PDE1A: variants seen among roughly 807,000 people sequenced by gnomAD.
PDE1A encodes the protein dual specificity calcium/calmodulin-dependent 3',5'-cyclic nucleotide phosphodiesterase 1A.
PDE1A carries 35 observed loss-of-function variants against 61.7 expected under a neutral mutation model. The observed-to-expected ratio is 0.57, with a 90% CI of 0.43 to 0.75. PDE1A has a LOEUF of 0.75. Ranked by LOEUF, PDE1A falls within the 30% of genes least tolerant of loss-of-function variation. The probability of loss-of-function intolerance (pLI) is 0.00; values close to 1 mark genes in which losing one functional copy is unlikely to be tolerated. For synonymous variants in PDE1A, 232 were observed against 213.2 expected (o/e 1.09, Z -0.77); for missense variants, 597 against 630.6 (o/e 0.95, Z 0.57).
At chr2:182,309,546 C>G (rs1695825789) in intron 1 of PDE1A, among the ~76,000 whole-genome samples, 1 of 151,996 alleles carries the variant, frequency 6.6e-6, no homozygotes, top group African/African-American at 2.4e-5. Flanking sequence ...CAGTTACCTT[C>G]TAAGAGTATA....
At chr2:182,561,034 T>A in the PDE1A span, among the ~76,000 whole-genome samples, 1 of 146,900 alleles carries the variant, frequency 6.8e-6, no homozygotes, top group South Asian at 2.4e-4. Context: ...GTAGTTTCTT[T>A]TGCTGTGCAG....
intron 1 of PDE1A, among the ~76,000 whole-genome samples, chr2:182,403,598 C>CAAAAAAAAAAAAAAAAAA (rs548993514): frequency 1.3e-4 from 10 of 77,572 alleles, no homozygotes; most frequent in African/African-American, 6.2e-4. Flanking sequence ...GACTCCGTCT[C>CAAAAAAAAAAAAAAAAAA]AAAAAAAAAA....
the PDE1A span, among the ~76,000 whole-genome samples, chr2:182,673,498 TAAAC>T: frequency 6.6e-6 from 1 of 152,082 alleles, no homozygotes; most frequent in African/African-American, 2.4e-5. Flanking sequence ...TAAGAAAAGT[TAAAC>T]AATAAAAAAT....
chr2:182,256,406 G>T (rs572348141), intron 2 of PDE1A, among the ~76,000 whole-genome samples: 2 of 151,718 alleles, frequency 1.3e-5, no homozygotes, highest in Non-Finnish European at 2.9e-5. Context: ...CCCTACAAAG[G>T]ACATGAACTC....
the PDE1A span, among the ~76,000 whole-genome samples, chr2:182,649,282 G>T: frequency 2.6e-5 from 4 of 152,162 alleles, no homozygotes. Flanking sequence ...TATTAGCACA[G>T]AAACCAAAAT....
intron 2 of PDE1A, among the ~76,000 whole-genome samples, chr2:182,515,950 G>T (rs1318124070): frequency 8.7e-6 from 1 of 115,470 alleles, no homozygotes; most frequent in Admixed American, 1.1e-4. Flanking sequence ...GTGTGTGTGT[G>T]TTTCTGTGTG....
At chr2:182,260,807 G>C (rs1386877673) in intron 2 of PDE1A, among the ~76,000 whole-genome samples, 1 of 152,096 alleles carries the variant, frequency 6.6e-6, no homozygotes, top group Non-Finnish European at 1.5e-5. Context: ...TCAAACTTCA[G>C]TGTCTCTGAA....
intron 1 of PDE1A, among the ~76,000 whole-genome samples, chr2:182,378,125 C>T (rs1285536480): frequency 1.3e-5 from 2 of 152,156 alleles, no homozygotes; most frequent in Non-Finnish European, 2.9e-5. Context: ...GGATTACAGG[C>T]GTGAGCCACC....
chr2:182,291,884 A>T (rs1694556618), intron 1 of PDE1A, among the ~76,000 whole-genome samples: 1 of 152,130 alleles, frequency 6.6e-6, no homozygotes, highest in Non-Finnish European at 1.5e-5. Flanking sequence ...TAATATTTGT[A>T]TGCAATTTGG....
At chr2:182,319,090 C>T (rs993939807) in intron 1 of PDE1A, among the ~76,000 whole-genome samples, 31 of 151,960 alleles carry the variant, frequency 2.0e-4, no homozygotes, top group African/African-American at 6.0e-4. Flanking sequence ...TTTCCCATTT[C>T]GGTAATTTTT....
At chr2:182,419,801 C>T (rs927724107) in intron 1 of PDE1A, among the ~76,000 whole-genome samples, 11 of 152,080 alleles carry the variant, frequency 7.2e-5, no homozygotes, top group African/African-American at 2.7e-4. Flanking sequence ...ACTACGTTCC[C>T]ACCATATCCT....
intron 2 of PDE1A, among the ~76,000 whole-genome samples, chr2:182,475,818 TTCAAAATCC>T (rs1559497152): frequency 1.3e-5 from 2 of 151,948 alleles, no homozygotes; most frequent in Non-Finnish European, 2.9e-5. Flanking sequence ...ATGGAGCCCT[TTCAAAATCC>T]TTAACTGCTT....
the PDE1A span, among the ~76,000 whole-genome samples, chr2:182,678,595 G>A: frequency 1.1e-4 from 17 of 151,984 alleles, no homozygotes; most frequent in Non-Finnish European, 1.9e-4. Context: ...AAGATTTCAG[G>A]TATATTATTT....
chr2:182,370,719 C>T (rs890705919), intron 1 of PDE1A, among the ~76,000 whole-genome samples: 10 of 152,050 alleles, frequency 6.6e-5, no homozygotes, highest in Non-Finnish European at 1.3e-4. Context: ...ATGATGAGCT[C>T]GTGTGTGTTA....
chr2:182,622,519 C>T, the PDE1A span, among the ~76,000 whole-genome samples: 1 of 152,178 alleles, frequency 6.6e-6, no homozygotes, highest in Non-Finnish European at 1.5e-5. Flanking sequence ...GTTGGAAGCA[C>T]ACTTCCAAGC....
the PDE1A span, among the ~76,000 whole-genome samples, chr2:182,621,079 C>T: frequency 6.6e-6 from 1 of 152,132 alleles, no homozygotes; most frequent in Non-Finnish European, 1.5e-5. Context: ...GTTCTCTGTG[C>T]CCCTTCTGCC....
the PDE1A span, among the ~76,000 whole-genome samples, chr2:182,571,938 T>C: frequency 4.8e-4 from 73 of 152,206 alleles, no homozygotes; most frequent in Admixed American, 1.8e-3. Flanking sequence ...GCTAACCATG[T>C]GGCAAAGTCA....
intron 1 of PDE1A, among the ~76,000 whole-genome samples, chr2:182,294,270 A>T (rs2125896133): frequency 6.6e-6 from 1 of 152,368 alleles, no homozygotes; most frequent in South Asian, 2.1e-4. Context: ...ATAAATGTAA[A>T]TTAATCAGAG....
At chr2:182,325,615 AC>A (rs1330964362) in intron 1 of PDE1A, among the ~76,000 whole-genome samples, 3 of 152,168 alleles carry the variant, frequency 2.0e-5, no homozygotes, top group Non-Finnish European at 4.4e-5. Context: ...CTGCAACTTA[AC>A]AACACCAAAA....
Sources: allele counts gnomAD v4.1 joint callset (sites outside exome capture counted in the v4.1 genomes callset), GRCh38; gene constraint gnomAD v4.1.1; transcripts MANE v1.5; gene names NCBI Gene and HGNC (gene_info 2026-07-23, HGNC 2026-07-21).